CTNS: variants seen among roughly 807,000 people sequenced by gnomAD.
The protein encoded by CTNS is cystinosin.
CTNS carries 27 observed loss-of-function variants against 43.7 expected under a neutral mutation model. That is an observed-to-expected ratio of 0.62 (90% CI 0.46 to 0.85). The LOEUF (loss-of-function observed/expected upper bound fraction) is 0.85. CTNS is among the 40% of genes least tolerant of loss of function. CTNS has a pLI of 0.00. For missense variants in CTNS, 457 were observed against 475.4 expected, an observed-to-expected ratio of 0.96 and a Z score of 0.36; for synonymous variants, 187 against 190.6, an observed-to-expected ratio of 0.98 and a Z score of 0.16.
rs557704576 is a variant in CTNS, at chr17:3,641,350, A to G, written c.61+1083A>G. On this transcript the variant is annotated intron_variant, in intron 3 of 11. Transcript: ENST00000046640. ...GCTTGCCTCTTGGGTCAAATACAAA[A>G]ATCAGATACATATATATATATATAT... Among the ~76,000 whole-genome samples, 4 of 91,274 alleles carry G rather than the reference A, an allele frequency of 4.4e-5. No homozygotes were observed. In the Admixed American group the frequency reaches 4.8e-4, roughly 11 times the overall value. 59.9% of individuals were successfully genotyped at this position (91,274 alleles called of 152,430 possible).
chr17:3,653,753 A>G (rs947807000), intron 5 of CTNS, among the ~76,000 whole-genome samples: 13 of 151,942 alleles, frequency 8.6e-5, no homozygotes, highest in African/African-American at 2.7e-4. Flanking sequence ...GCACACGCCT[A>G]TAATTCCAGC....
rs148103024 is a variant in CTNS, at chr17:3,653,761, A to T, written c.226-1237A>T. On this transcript the variant is annotated intron_variant, in intron 5 of 11. Coordinates refer to ENST00000046640, the MANE Select transcript of CTNS (RefSeq NM_004937.3). The stretch of plus-strand genomic sequence containing the variant: ...CGTGGTGGCACACGCCTATAATTCC[A>T]GCTACTCGGGAGGCTGAGGCGGGAG... Among the ~76,000 whole-genome samples, 58 of 152,252 alleles carry T rather than the reference A, an allele frequency of 3.8e-4. 1 individual carries two copies. In the East Asian group the frequency reaches 6.9e-3, roughly 18 times the overall value.
intron 5 of CTNS, among the ~76,000 whole-genome samples, chr17:3,649,465 A>C (rs1194245682): frequency 6.6e-6 from 1 of 151,990 alleles, no homozygotes; most frequent in Non-Finnish European, 1.5e-5. Context: ...AAAAAAAAAA[A>C]AAAAAGTTCT....
In CTNS at chr17:3,660,067, C is replaced by G. The variant is rs372212611; in HGVS notation, c.970+92C>G. 26 of 1,435,162 alleles carry G rather than the reference C, an allele frequency of 1.8e-5. No individual in the cohort carries two copies. The Admixed American group carries it at 2.4e-4, about 13-fold the overall frequency. 88.9% of individuals were successfully genotyped at this position (1,435,162 alleles called of 1,614,324 possible). A position where few individuals can be genotyped will look rare whatever the true frequency, so the allele number is the denominator to read the frequency against. On this transcript the variant is annotated intron_variant, in intron 11 of 11. Coordinates refer to ENST00000046640, the MANE Select transcript of CTNS (RefSeq NM_004937.3). ...GACCTTCCAGCCAGGGCTCCACCCC[C>G]ACCTGGGATCCAAGCCAATCCAGCC...
At chr17:3,655,623 G>T in intron 7 of CTNS, 1 of 457,772 alleles carries the variant, frequency 2.2e-6, no homozygotes, top group Non-Finnish European at 4.0e-6. Context: ...GGGCGGGGGA[G>T]GGAGGGCAGT....
rs2150925451 is a variant in CTNS at position 3,658,162 on chromosome 17, A to C, written c.839A>C (p.Lys280Thr). ...ATCAAGCTCGCAGTCACGCTGGTCA[A>C]GTATTTTCCACAGGTACCTCCAGGG... The part of the protein sequence containing the change: ...SYIKLAVTLV[K>T]YFPQAYMNFY... Residue 280 changes from lysine (K) to threonine (T), a missense_variant, in exon 10 of 12, where the codon AAG becomes ACG. Physicochemically the swap from Lys to Thr is moderately conservative, Grantham distance 78. Transcript: ENST00000046640. 6.2e-7 allele frequency: 1 copy of C among 1,611,940 alleles called. No homozygotes were observed.
In CTNS at chr17:3,636,831, G is replaced by A. The variant is rs891562945; in HGVS notation, c.-230G>A. 6.6e-6 allele frequency: 1 copy of A among 152,386 alleles called. No homozygotes were observed. Among genetic ancestry groups the A allele is most frequent in the African/African-American group, 2.4e-5 (1 of 41,474 alleles). 9.4% of individuals were successfully genotyped at this position (152,386 alleles called of 1,614,324 possible). A position where few individuals can be genotyped will look rare whatever the true frequency, so the allele number is the denominator to read the frequency against. ...GGTTCCTCGAGCCTGGGGGCGCTCA[G>A]GTGAGAGCGGACGCGGCCTCCCCTG... is the stretch of plus-strand genomic sequence containing the variant. On this transcript the variant is annotated splice_region_variant and 5_prime_UTR_variant, in exon 1 of 12. Coordinates refer to ENST00000046640, the MANE Select transcript of CTNS (RefSeq NM_004937.3).
intron 5 of CTNS, among the ~76,000 whole-genome samples, chr17:3,649,846 A>T (rs2075935776): frequency 6.6e-6 from 1 of 152,230 alleles, no homozygotes; most frequent in African/African-American, 2.4e-5. Context: ...TTTAAATAAC[A>T]AGATGAACGC....
chr17:3,656,960 GC>G, intron 9 of CTNS, 165 bp downstream of exon 9: 1 of 1,124,280 alleles, frequency 8.9e-7, no homozygotes, highest in Non-Finnish European at 1.3e-6. Flanking sequence ...GGCCCTCAGA[GC>G]CCCCCAAGTC....
At chr17:3,641,806 A>G (rs1322551330) in intron 3 of CTNS, among the ~76,000 whole-genome samples, 1 of 152,176 alleles carries the variant, frequency 6.6e-6, no homozygotes, top group Non-Finnish European at 1.5e-5. Flanking sequence ...CTCTGAGGAA[A>G]CATGGTCACG....
At chr17:3,652,844 T>C (rs1297161746) in intron 5 of CTNS, among the ~76,000 whole-genome samples, 1 of 152,118 alleles carries the variant, frequency 6.6e-6, no homozygotes, top group Non-Finnish European at 1.5e-5. Context: ...AGATGTACCT[T>C]GTGAGACGTG....
chr17:3,641,939 G>A lies in CTNS; in HGVS notation c.61+1672G>A, dbSNP rs114273516. ...GAACCTGGTGTTTCTTAATACAGACGTCAGAACCCTGTCCCCACCCTGTAG... is the reference window on the plus strand; with the variant it reads ...GAACCTGGTGTTTCTTAATACAGACATCAGAACCCTGTCCCCACCCTGTAG... On this transcript the variant is annotated intron_variant, in intron 3 of 11. Transcript: ENST00000046640. Among the ~76,000 whole-genome samples the A allele has an allele frequency of 5.4e-3, 827 of 152,210 alleles. 8 individuals carry two copies. Among genetic ancestry groups the A allele is most frequent in the African/African-American group, 0.019 (770 of 41,536 alleles).
chr17:3,658,790 A>G (rs1206103395), intron 10 of CTNS, among the ~76,000 whole-genome samples: 2 of 152,174 alleles, frequency 1.3e-5, no homozygotes, highest in African/African-American at 4.8e-5. Context: ...ACTGGGAGGC[A>G]GGACTGGACT....
At chr17:3,655,916 C>T (rs2076120338) in intron 7 of CTNS, 1 of 253,248 alleles carries the variant, frequency 3.9e-6, no homozygotes, top group Admixed American at 5.0e-5. Context: ...AGTAGCTCTT[C>T]AAGAGGGCAG....
intron 5 of CTNS, among the ~76,000 whole-genome samples, chr17:3,653,143 G>A (rs1380752381): frequency 6.6e-6 from 1 of 152,244 alleles, no homozygotes; most frequent in Non-Finnish European, 1.5e-5. Flanking sequence ...CGGGCATGGT[G>A]GCTCACGCCT....
chr17:3,649,041 T>A, intron 5 of CTNS, 110 bp downstream of exon 5: 1 of 893,432 alleles, frequency 1.1e-6, no homozygotes, highest in Non-Finnish European at 1.9e-6. Flanking sequence ...TCCATCAACC[T>A]AGAAATCTGT....
chr17:3,642,263 C>G, intron 3 of CTNS, among the ~76,000 whole-genome samples: 1 of 151,752 alleles, frequency 6.6e-6, no homozygotes, highest in East Asian at 1.9e-4. Context: ...ACTCCAGTTA[C>G]CTGGAGGGGA....
At chr17:3,651,976 AAAAAAAG>A (rs2075996102) in intron 5 of CTNS, among the ~76,000 whole-genome samples, 1 of 143,828 alleles carries the variant, frequency 7.0e-6, no homozygotes, top group Non-Finnish European at 1.5e-5. Flanking sequence ...CCTGTCTCAA[AAAAAAAG>A]AAAAGAAAAG....
In CTNS at chr17:3,647,505, C is replaced by T. The variant is rs148084080; in HGVS notation, c.123C>T (p.Asn41=). The stretch of plus-strand genomic sequence containing the variant: ...AGCTGGAGAACGGCAGCTCGACCAA[C>T]GTCAGCCTCACCCTGCGGTAAGTTC... ...VVKLENGSST[N]VSLTLRPPLN... Residue 41 remains asparagine, a synonymous_variant, in exon 4 of 12, where the codon AAC becomes AAT. Transcript: ENST00000046640. 4.8e-5 allele frequency: 77 copies of T among 1,614,144 alleles called. No homozygotes were observed. In the African/African-American group the frequency reaches 7.3e-4, roughly 15 times the overall value.
Sources: gnomAD v4.1 joint callset for allele counts (sites outside exome capture counted in the v4.1 genomes callset) on GRCh38, gnomAD v4.1.1 for gene constraint, MANE v1.5 for transcripts, NCBI Gene and HGNC (gene_info 2026-07-23, HGNC 2026-07-21) for gene names.